The following NKAIN3 variants were observed in gnomAD, a reference collection of about 807,000 sequenced individuals.
The protein encoded by NKAIN3 is sodium/potassium transporting ATPase interacting 3, also known as sodium/potassium-transporting ATPase subunit beta-1-interacting protein 3.
In NKAIN3, 25 loss-of-function variants were observed where a neutral mutation model predicts 30.2. The ratio of observed to expected loss-of-function variants is 0.83; its 90% CI spans 0.60 to 1.16. The LOEUF (loss-of-function observed/expected upper bound fraction) is 1.16. Among genes scored for constraint, NKAIN3 ranks in the 50% most tolerant of loss-of-function variants. The pLI is 0.00. For synonymous variants in NKAIN3, 91 were observed against 89.6 expected (o/e 1.02, Z -0.09); for missense variants, 225 against 254.1 (o/e 0.89, Z 0.78).
chr8:62,415,959 G>A (rs890498168), intron 1 of NKAIN3, among the ~76,000 whole-genome samples: 2 of 151,814 alleles, frequency 1.3e-5, no homozygotes, highest in African/African-American at 4.8e-5. Context: ...GGGTTTCACC[G>A]TGTTAGCCAG....
In NKAIN3 at chr8:62,979,398, C is replaced by T. The variant is rs2130922505; in HGVS notation, c.*13991C>T. ...TGGCAGCTGTCACTGATGATTTAAA[C>T]AAGATTGGGTGACTTATTTATGTAC... On this transcript the variant is annotated 3_prime_UTR_variant, in exon 7 of 7. Coordinates refer to ENST00000623646, the MANE Select transcript of NKAIN3 (RefSeq NM_001304533.3). 1 of 152,288 alleles carries T rather than the reference C, an allele frequency of 6.6e-6. No individual in the cohort carries two copies. Among genetic ancestry groups the T allele is most frequent in the African/African-American group, 2.4e-5 (1 of 41,556 alleles). 9.4% of individuals were successfully genotyped at this position (152,288 alleles called of 1,614,324 possible). A position where few individuals can be genotyped will look rare whatever the true frequency, so the allele number is the denominator to read the frequency against.
rs16929509 is a variant in NKAIN3, at chr8:62,747,667, G to T, written c.471+538G>T. Among the ~76,000 whole-genome samples the T allele has an allele frequency of 6.3e-3, 962 of 152,294 alleles. 9 individuals are homozygous for T. The highest frequency in any genetic ancestry group is 0.022 in the African/African-American group (901 of 41,550). ...AAATGATGTGATTAGTCCACAGAAG[G>T]TTAATGTGCCAGGGATTCCTTAAAA... On this transcript the variant is annotated intron_variant, in intron 4 of 6. Transcript: ENST00000623646.
chr8:62,592,737 T>C (rs1292018096), intron 3 of NKAIN3, among the ~76,000 whole-genome samples: 2 of 151,928 alleles, frequency 1.3e-5, no homozygotes, highest in East Asian at 3.9e-4. Flanking sequence ...CATACATATA[T>C]TTAAATTAAA....
intron 1 of NKAIN3, among the ~76,000 whole-genome samples, chr8:62,455,644 T>C (rs1805790840): frequency 6.6e-6 from 1 of 152,210 alleles, no homozygotes. Flanking sequence ...TGTAATACAC[T>C]TGTACTTGTA....
At chr8:62,776,636 A>G (rs976237421) in intron 4 of NKAIN3, among the ~76,000 whole-genome samples, 1 of 152,096 alleles carries the variant, frequency 6.6e-6, no homozygotes, top group Non-Finnish European at 1.5e-5. Context: ...TATAGTTTCT[A>G]TTTATACCTT....
intron 1 of NKAIN3, among the ~76,000 whole-genome samples, chr8:62,480,251 A>G (rs1004931617): frequency 4.6e-5 from 7 of 151,658 alleles, no homozygotes; most frequent in African/African-American, 1.7e-4. Context: ...AGATCATCTG[A>G]GTAGATCTCA....
intron 4 of NKAIN3, among the ~76,000 whole-genome samples, chr8:62,792,217 G>C (rs1025230818): frequency 2.0e-5 from 3 of 152,070 alleles, no homozygotes; most frequent in Non-Finnish European, 4.4e-5. Context: ...GCTTGGAACA[G>C]TACCTGAATA....
intron 3 of NKAIN3, among the ~76,000 whole-genome samples, chr8:62,610,473 T>G (rs34440324): frequency 0.12 from 18,189 of 152,076 alleles, 1,263 homozygotes; most frequent in Middle Eastern, 0.21. Context: ...GTAGAGGTGG[T>G]GCATGAGACA....
intron 3 of NKAIN3, among the ~76,000 whole-genome samples, chr8:62,675,381 T>C (rs1813442446): frequency 6.6e-6 from 1 of 152,202 alleles, no homozygotes; most frequent in Admixed American, 6.5e-5. Context: ...TTATTGCAAA[T>C]CAAAGTTAAT....
rs898288860 is a variant in NKAIN3, at chr8:62,864,309, C to A, written c.472-54144C>A. On this transcript the variant is annotated intron_variant, in intron 4 of 6. Coordinates refer to ENST00000623646, the MANE Select transcript of NKAIN3 (RefSeq NM_001304533.3). ...CTGAGGACCAGGAAGAGAAAGAAGA[C>A]CCTGAGAAAGAAAACATTGAGAAAG... is the stretch of plus-strand genomic sequence containing the variant. 2.1e-6 allele frequency: 3 copies of A among 1,434,552 alleles called. No individual in the cohort carries two copies. The African/African-American group carries it at 4.7e-5, about 22-fold the overall frequency. 88.9% of individuals were successfully genotyped at this position (1,434,552 alleles called of 1,614,324 possible).
chr8:62,373,019 T>A (rs917981767), intron 1 of NKAIN3, among the ~76,000 whole-genome samples: 1 of 152,160 alleles, frequency 6.6e-6, no homozygotes, highest in Non-Finnish European at 1.5e-5. Flanking sequence ...ATTTGTATAT[T>A]TCCTTTGACT....
At chr8:62,794,805 C>T (rs752942571) in intron 4 of NKAIN3, among the ~76,000 whole-genome samples, 7 of 152,164 alleles carry the variant, frequency 4.6e-5, no homozygotes, top group Non-Finnish European at 7.3e-5. Flanking sequence ...TCCTGACACA[C>T]GGACTGTGAG....
At chr8:62,568,907 A>G (rs1809838041) in intron 1 of NKAIN3, among the ~76,000 whole-genome samples, 1 of 152,208 alleles carries the variant, frequency 6.6e-6, no homozygotes, top group Non-Finnish European at 1.5e-5. Flanking sequence ...CAACCTAGAC[A>G]ATCACACTTG....
chr8:62,458,847 G>A (rs370198339), intron 1 of NKAIN3, among the ~76,000 whole-genome samples: 2 of 152,306 alleles, frequency 1.3e-5, no homozygotes, highest in South Asian at 2.1e-4. Context: ...ATTGGTCCAA[G>A]GTGCCCCTTC....
rs1352756747 is a variant in NKAIN3, at chr8:62,462,896, T to A, written c.55-116643T>A. Among the ~76,000 whole-genome samples the A allele has an allele frequency of 2.6e-5, 4 of 152,288 alleles. No homozygotes were observed. In the South Asian group the frequency reaches 8.3e-4, roughly 32 times the overall value. On this transcript the variant is annotated intron_variant, in intron 1 of 6. Coordinates refer to ENST00000623646, the MANE Select transcript of NKAIN3 (RefSeq NM_001304533.3). ...CACATATGGGCTTTGCAAACCTTGG[T>A]GCAGTCCATTTTCACTTCATAGAAT... is the stretch of plus-strand genomic sequence containing the variant.
At chr8:62,773,743 A>G (rs1817096056) in intron 4 of NKAIN3, among the ~76,000 whole-genome samples, 2 of 151,890 alleles carry the variant, frequency 1.3e-5, no homozygotes, top group Admixed American at 6.6e-5. Context: ...TTTGCTCCTC[A>G]CTCACCTTCC....
chr8:62,825,214 C>T (rs990040843), intron 4 of NKAIN3, among the ~76,000 whole-genome samples: 1 of 152,106 alleles, frequency 6.6e-6, no homozygotes, highest in African/African-American at 2.4e-5. Context: ...AGACTTTTTT[C>T]ACCAAAGTAA....
At chr8:62,353,570 A>G (rs1397793985) in intron 1 of NKAIN3, among the ~76,000 whole-genome samples, 1 of 152,200 alleles carries the variant, frequency 6.6e-6, no homozygotes, top group Non-Finnish European at 1.5e-5. Flanking sequence ...TATGAGATAT[A>G]GCACTAGATT....
intron 4 of NKAIN3, among the ~76,000 whole-genome samples, chr8:62,917,007 C>T (rs776192335): frequency 2.6e-5 from 4 of 152,010 alleles, no homozygotes; most frequent in Non-Finnish European, 4.4e-5. Context: ...CCACTTTGCA[C>T]CCCTACTTGG....
Sources: allele counts gnomAD v4.1 joint callset (sites outside exome capture counted in the v4.1 genomes callset), GRCh38; gene constraint gnomAD v4.1.1; transcripts MANE v1.5; gene names NCBI Gene and HGNC (gene_info 2026-07-23, HGNC 2026-07-21).